The following TBC1D22A variants were observed in gnomAD, a reference collection of about 807,000 sequenced individuals.
TBC1D22A encodes putative GTPase activator.
Under a neutral mutation model 60.2 loss-of-function variants are expected in TBC1D22A, and 38 were observed. The observed-to-expected ratio is 0.63, with a 90% CI of 0.49 to 0.83. The LOEUF is 0.83. Ranked by LOEUF, TBC1D22A falls within the 40% of genes least tolerant of loss-of-function variation. The pLI is 0.00. For synonymous variants in TBC1D22A, 302 were observed against 281.7 expected, an observed-to-expected ratio of 1.07 and a Z score of -0.72; for missense variants, 628 against 701.0, an observed-to-expected ratio of 0.90 and a Z score of 1.18.
intron 12 of TBC1D22A, among the ~76,000 whole-genome samples, chr22:47,160,547 A>G (rs900094008): frequency 1.3e-5 from 2 of 152,232 alleles, no homozygotes; most frequent in African/African-American, 4.8e-5. Context: ...TGGGAGGTCT[A>G]GGCCTGCGCC....
intron 10 of TBC1D22A, among the ~76,000 whole-genome samples, chr22:47,030,767 A>T (rs1309479331): frequency 1.3e-5 from 2 of 152,264 alleles, no homozygotes; most frequent in Non-Finnish European, 2.9e-5. Context: ...GCAATTACTT[A>T]TAAAATAAGA....
chr22:46,903,493 G>A (rs186223696), intron 7 of TBC1D22A, among the ~76,000 whole-genome samples: 60 of 152,222 alleles, frequency 3.9e-4, no homozygotes, highest in East Asian at 2.1e-3. Flanking sequence ...TTCCTGTTTC[G>A]CTTCAGTGGA....
intron 11 of TBC1D22A, among the ~76,000 whole-genome samples, chr22:47,096,221 C>G (rs1169147269): frequency 6.6e-6 from 1 of 152,142 alleles, no homozygotes; most frequent in African/African-American, 2.4e-5. Context: ...CTCTTCCTTT[C>G]CTCTCCTTGG....
chr22:47,092,637 A>G lies in TBC1D22A; in HGVS notation c.1330-18871A>G, dbSNP rs2065023060. On this transcript the variant is annotated intron_variant, in intron 11 of 12. Coordinates refer to ENST00000337137, the MANE Select transcript of TBC1D22A (RefSeq NM_014346.5). Reference sequence around the variant, plus strand: ...GGACATGCCCACCGGCGGGCCTCACAAGTCATTGCAGGGCTGGGGACAGAA... The same window carrying G: ...GGACATGCCCACCGGCGGGCCTCACGAGTCATTGCAGGGCTGGGGACAGAA... 2.0e-5 allele frequency among the ~76,000 whole-genome samples: 3 copies of G among 152,160 alleles called. No homozygotes were observed. The South Asian group carries it at 6.2e-4, about 32-fold the overall frequency.
chr22:47,068,483 G>T (rs2063854423), intron 11 of TBC1D22A, among the ~76,000 whole-genome samples: 1 of 152,228 alleles, frequency 6.6e-6, no homozygotes, highest in African/African-American at 2.4e-5. Flanking sequence ...ACGACTTGCA[G>T]CACCACAGAG....
At chr22:46,997,462 C>T (rs1176162359) in intron 9 of TBC1D22A, among the ~76,000 whole-genome samples, 172 bp from the exon 10 acceptor site, 4 of 152,220 alleles carry the variant, frequency 2.6e-5, no homozygotes, top group South Asian at 2.1e-4. Context: ...TAGCAGTCAG[C>T]GGCGCTGTGC....
At chr22:47,090,926 C>T (rs2064914655) in intron 11 of TBC1D22A, among the ~76,000 whole-genome samples, 7 of 113,840 alleles carry the variant, frequency 6.1e-5, no homozygotes, top group Admixed American at 2.0e-4. Context: ...GGTGTGGCCT[C>T]ACGGAGGGGG....
intron 12 of TBC1D22A, among the ~76,000 whole-genome samples, chr22:47,130,299 C>T (rs1451646942): frequency 6.6e-6 from 1 of 152,200 alleles, no homozygotes; most frequent in Non-Finnish European, 1.5e-5. Context: ...TTCTAGGCCC[C>T]TCCTCAGGAC....
chr22:47,133,627 C>T (rs1035990137), intron 12 of TBC1D22A, among the ~76,000 whole-genome samples: 4 of 152,200 alleles, frequency 2.6e-5, no homozygotes, highest in African/African-American at 9.7e-5. Context: ...CCTGTGGGAA[C>T]TTGGCAGGTC....
intron 8 of TBC1D22A, among the ~76,000 whole-genome samples, chr22:46,946,513 G>A (rs2072552993): frequency 6.6e-6 from 1 of 152,158 alleles, no homozygotes; most frequent in Non-Finnish European, 1.5e-5. Context: ...ATGGAGAGTA[G>A]ATAGAGCTGT....
At chr22:47,004,618 CCATATACA>C (rs1259341696) in intron 10 of TBC1D22A, among the ~76,000 whole-genome samples, 1 of 151,038 alleles carries the variant, frequency 6.6e-6, no homozygotes, top group Admixed American at 6.6e-5. Context: ...TACACACCTG[CCATATACA>C]CATACACACC....
intron 1 of TBC1D22A, among the ~76,000 whole-genome samples, chr22:46,771,707 G>C (rs2083485932): frequency 6.6e-6 from 1 of 151,730 alleles, no homozygotes; most frequent in Non-Finnish European, 1.5e-5. Flanking sequence ...TGATTCTCCT[G>C]TCTCAGCCTC....
At chr22:47,085,152 G>C (rs1395377504) in intron 11 of TBC1D22A, among the ~76,000 whole-genome samples, 1 of 152,154 alleles carries the variant, frequency 6.6e-6, no homozygotes, top group African/African-American at 2.4e-5. Context: ...ATGGTGGCGT[G>C]TGCCTGTAAT....
intron 12 of TBC1D22A, among the ~76,000 whole-genome samples, chr22:47,160,883 G>A (rs1003669859): frequency 2.6e-5 from 4 of 152,184 alleles, no homozygotes; most frequent in Non-Finnish European, 5.9e-5. Context: ...CGCAGGCGCT[G>A]TGGAGCCCAG....
intron 12 of TBC1D22A, among the ~76,000 whole-genome samples, chr22:47,166,556 G>T (rs1415071260): frequency 6.6e-6 from 1 of 152,220 alleles, no homozygotes; most frequent in Admixed American, 6.5e-5. Context: ...CGAAGTCTGC[G>T]GTAGCCTGCA....
chr22:46,912,784 T>G lies in TBC1D22A; in HGVS notation c.1015+596T>G, dbSNP rs1294128995. ...GTTGGCCAGGGTGGTCTCGAACTCC[T>G]GACCTCGTGATCTGCCCGCCTTCGC... On this transcript the variant is annotated intron_variant, in intron 8 of 12. Transcript: ENST00000337137. Among the ~76,000 whole-genome samples, 8 of 152,342 alleles carry G rather than the reference T, an allele frequency of 5.3e-5. No individual in the cohort carries two copies. The East Asian group carries it at 1.5e-3, about 29-fold the overall frequency.
chr22:46,896,954 T>G (rs1249884642), intron 7 of TBC1D22A, among the ~76,000 whole-genome samples: 1 of 152,164 alleles, frequency 6.6e-6, no homozygotes, highest in Non-Finnish European at 1.5e-5. Context: ...AGTTTTTAGT[T>G]TGGGAGAATG....
At chr22:46,845,323 T>C (rs2086943225) in intron 4 of TBC1D22A, among the ~76,000 whole-genome samples, 5 of 152,370 alleles carry the variant, frequency 3.3e-5, no homozygotes, top group Middle Eastern at 3.4e-3. Flanking sequence ...TCTACATGGA[T>C]CCTGAATAAG....
intron 12 of TBC1D22A, among the ~76,000 whole-genome samples, chr22:47,132,756 A>G (rs921405694): frequency 4.6e-5 from 7 of 152,240 alleles, no homozygotes; most frequent in African/African-American, 1.7e-4. Flanking sequence ...TGGGAGGTGC[A>G]GGTTCCTGCT....
Sources: gnomAD v4.1 joint callset for allele counts (sites outside exome capture counted in the v4.1 genomes callset) on GRCh38, gnomAD v4.1.1 for gene constraint, MANE v1.5 for transcripts, NCBI Gene and HGNC (gene_info 2026-07-23, HGNC 2026-07-21) for gene names.